The following H1-8 variants were observed in gnomAD, a reference collection of about 807,000 sequenced individuals.
H1-8 encodes H1.8 linker histone, also known as histone H1.8.
H1-8 carries 13 observed loss-of-function variants against 19.5 expected under a neutral mutation model. The ratio of observed to expected loss-of-function variants is 0.67; its 90% CI spans 0.43 to 1.06. H1-8 has a LOEUF of 1.06. Among genes scored for constraint, H1-8 ranks in the 50% least tolerant of loss-of-function variants. The pLI, the probability that H1-8 is intolerant of heterozygous loss-of-function variation, is 0.00. For synonymous variants in H1-8, 193 were observed against 187.6 expected (o/e 1.03, Z -0.24); for missense variants, 432 against 459.8 (o/e 0.94, Z 0.55).
In H1-8 at chr3:129,549,457, CT is replaced by C; in HGVS notation, c.742+95del. The C allele has an allele frequency of 2.1e-6, 3 of 1,398,588 alleles. No individual in the cohort carries two copies. In the South Asian group the frequency reaches 4.3e-5, roughly 20 times the overall value. The allele number at this position is 1,398,588 out of a possible 1,614,324, so 86.6% of individuals were successfully genotyped here. A position where few individuals can be genotyped will look rare whatever the true frequency, so the allele number is the denominator to read the frequency against. On this transcript the variant is annotated intron_variant, in intron 3 of 4. Coordinates refer to ENST00000324382, the MANE Select transcript of H1-8 (RefSeq NM_153833.3). ...GGAGCCAGCTCTGGAGAGGGGTTTCCTTATCTAGTGCATGTGTCCTGAGTGC... is the reference window on the plus strand; with the variant it reads ...GGAGCCAGCTCTGGAGAGGGGTTTCCTATCTAGTGCATGTGTCCTGAGTGC...
At chr3:129,548,889 C>T (rs1170497262) in intron 2 of H1-8, 112 bp from the exon 3 acceptor site, 4 of 1,395,820 alleles carry the variant, frequency 2.9e-6, no homozygotes, top group Middle Eastern at 1.8e-4. Flanking sequence ...CTCTCACTGC[C>T]TGTGGAGCCC....
chr3:129,550,702 T>C, intron 3 of H1-8, 43 bp from the exon 4 acceptor site: 1 of 1,561,582 alleles, frequency 6.4e-7, no homozygotes. Context: ...CCACCAGCAG[T>C]TCCTCCTTCT....
In H1-8 at chr3:129,551,255, C is replaced by A; in HGVS notation, c.956C>A (p.Thr319Lys). 1 of 1,614,168 alleles carries A rather than the reference C, an allele frequency of 6.2e-7. No individual in the cohort carries two copies. The highest frequency in any genetic ancestry group is 8.5e-7 in the Non-Finnish European group (1 of 1,180,038). The change falls in exon 5 of 5, where the codon ACA becomes AAA. Residue 319 changes from threonine (T) to lysine (K), a missense_variant. Thr to Lys is a moderately conservative substitution (Grantham distance 78). Coordinates refer to ENST00000324382, the MANE Select transcript of H1-8 (RefSeq NM_153833.3). ...GTACCTGCACATTTGTCCAGGAAGA[C>A]AGAGGCCCCCAAGGGCCCTAGAAAG... ...KVVPAHLSRKTEAPKGPRKAG... is the reference protein window; with the variant it reads ...KVVPAHLSRKKEAPKGPRKAG...
intron 2 of H1-8, among the ~76,000 whole-genome samples, chr3:129,548,687 G>A (rs574703116): frequency 4.8e-4 from 73 of 150,624 alleles, no homozygotes; most frequent in Admixed American, 2.1e-3. Flanking sequence ...TCTGCTGAGC[G>A]TCAAGGGGCG....
chr3:129,548,884 A>G lies in H1-8; in HGVS notation c.379-117A>G, dbSNP rs73863109. On this transcript the variant is annotated intron_variant, in intron 2 of 4. Transcript: ENST00000324382. The stretch of plus-strand genomic sequence containing the variant: ...GCTTCGTGCCTTCTCCCTGCCTCTC[A>G]CTGCCTGTGGAGCCCCCCTGTTTGG... The G allele has an allele frequency of 6.5e-3, 8,833 of 1,364,606 alleles. 460 individuals carry two copies. In the African/African-American group the frequency reaches 0.12, roughly 18 times the overall value. 84.5% of individuals were successfully genotyped at this position (1,364,606 alleles called of 1,614,324 possible).
chr3:129,549,728 C>T (rs1043776211), intron 3 of H1-8, among the ~76,000 whole-genome samples: 4 of 151,936 alleles, frequency 2.6e-5, no homozygotes, highest in African/African-American at 9.7e-5. Flanking sequence ...CCAAGGCGGG[C>T]GGATCCCTTG....
chr3:129,549,386 G>T, intron 3 of H1-8, 22 bp downstream of exon 3: 2 of 1,551,168 alleles, frequency 1.3e-6, no homozygotes, highest in Non-Finnish European at 1.7e-6. Flanking sequence ...ACTTGTAGGG[G>T]GTGGTGTGGG....
rs201399983 is a variant in H1-8, at chr3:129,543,242, C to A, written c.24C>A (p.Ser8Arg). The A allele has an allele frequency of 4.5e-5, 73 of 1,613,342 alleles. No individual in the cohort carries two copies. Among genetic ancestry groups the A allele is most frequent in the Non-Finnish European group, 5.7e-5 (67 of 1,179,712 alleles). MAPGSVTSDISPSSTSTA... is the reference protein window; with the variant it reads MAPGSVTRDISPSSTSTA... ...TCATGGCTCCTGGGAGCGTCACCAG[C>A]GACATCTCACCCTCCTCGACTTCCA... is the stretch of plus-strand genomic sequence containing the variant. The change falls in exon 1 of 5, where the codon AGC becomes AGA. Residue 8 changes from serine (S) to arginine (R), a missense_variant. By Grantham distance (110) the Ser-to-Arg change is moderately radical. Transcript: ENST00000324382.
chr3:129,545,064 T>A (rs1295502114), intron 1 of H1-8, among the ~76,000 whole-genome samples: 1 of 146,678 alleles, frequency 6.8e-6, no homozygotes, highest in Non-Finnish European at 1.5e-5. Context: ...TATAGCCAAT[T>A]TTTTTTTTTT....
chr3:129,548,521 C>T, intron 2 of H1-8: 1 of 988,778 alleles, frequency 1.0e-6, no homozygotes, highest in Non-Finnish European at 1.2e-6. Context: ...GGTTGGGGGA[C>T]AGGAAAGAAA....
rs2084918989 is a variant in H1-8 at position 129,549,597 on chromosome 3, C to T, written c.742+233C>T. Among the ~76,000 whole-genome samples, 3 of 144,634 alleles carry T rather than the reference C, an allele frequency of 2.1e-5. No homozygotes were observed. In the South Asian group the frequency reaches 6.3e-4, roughly 30 times the overall value. 94.9% of individuals were successfully genotyped at this position (144,634 alleles called of 152,430 possible). On this transcript the variant is annotated intron_variant, in intron 3 of 4. Coordinates refer to ENST00000324382, the MANE Select transcript of H1-8 (RefSeq NM_153833.3). ...CCAGGAGACTGACTCATTCTTGAGG[C>T]AGTGGAGGAAGGTGTCTCAAGCAGG... is the stretch of plus-strand genomic sequence containing the variant.
intron 2 of H1-8, 89 bp from the exon 3 acceptor site, chr3:129,548,912 C>T (rs1197733604): frequency 3.2e-5 from 47 of 1,487,822 alleles, no homozygotes; most frequent in African/African-American, 1.7e-4. Context: ...CTGTTTGGAA[C>T]GAGGCCTCCC....
chr3:129,549,428 G>A (rs2084917535), intron 3 of H1-8, 64 bp downstream of exon 3: 12 of 1,503,482 alleles, frequency 8.0e-6, no homozygotes, highest in Non-Finnish European at 1.1e-5. Flanking sequence ...TGGAGCGGGG[G>A]CGGGGAGCCA....
chr3:129,549,502 A>T, intron 3 of H1-8, 138 bp downstream of exon 3: 1 of 1,037,316 alleles, frequency 9.6e-7, no homozygotes, highest in Non-Finnish European at 1.4e-6. Flanking sequence ...ACCTGGAGAG[A>T]GAGAACTCAT....
At chr3:129,550,977 T>C in intron 4 of H1-8, 130 bp from the exon 5 acceptor site, 1 of 961,956 alleles carries the variant, frequency 1.0e-6, no homozygotes, top group South Asian at 1.6e-5. Context: ...ACCCTGGGGG[T>C]GTTGCCATCC....
chr3:129,546,010 C>T lies in H1-8; in HGVS notation c.89-1381C>T, dbSNP rs549690604. On this transcript the variant is annotated intron_variant, in intron 1 of 4. Coordinates refer to ENST00000324382, the MANE Select transcript of H1-8 (RefSeq NM_153833.3). ...AAACTTTCAGGGCCGAGCATGGTGG[C>T]TCATGCTTGTAATCCTAGCACTTTG... Among the ~76,000 whole-genome samples the T allele has an allele frequency of 1.1e-4, 17 of 152,006 alleles. No homozygotes were observed. In the East Asian group the frequency reaches 1.9e-3, roughly 17 times the overall value.
rs1377915744 is a variant in H1-8, at chr3:129,549,304, C to T, written c.682C>T (p.Pro228Ser). Reference protein sequence around the residue: ...PPKPDKAMRAPSSAGGLSRKA... With the variant: ...PPKPDKAMRASSSAGGLSRKA... ...CAAGCCAGACAAGGCCATGCGGGCA[C>T]CTTCCAGTGCTGGTGGGCTCAGCAG... The change falls in exon 3 of 5, where the codon CCT becomes TCT. Residue 228 changes from proline (P) to serine (S), a missense_variant. Coordinates refer to ENST00000324382, the MANE Select transcript of H1-8 (RefSeq NM_153833.3). 9 of 1,605,008 alleles carry T rather than the reference C, an allele frequency of 5.6e-6. No homozygotes were observed. Among genetic ancestry groups the T allele is most frequent in the Admixed American group, 1.7e-5 (1 of 58,152 alleles).
Position 129,547,394 on chromosome 3 carries a change from C to T in H1-8, c.92C>T (p.Pro31Leu), listed in dbSNP as rs1310922903. 13 of 1,497,180 alleles carry T rather than the reference C, an allele frequency of 8.7e-6. No homozygotes were observed. The highest frequency in any genetic ancestry group is 7.1e-5 in the African/African-American group (5 of 70,468). The allele number at this position is 1,497,180 out of a possible 1,614,324, so 92.7% of individuals were successfully genotyped here. ...ATGGCCTGCCATCTCTCCTCAGGCC[C>T]GAGCCACGGCGGTGTCCCACCAGGA... Reference protein sequence around the residue: ...SRSPESEKPGPSHGGVPPGGP... With the variant: ...SRSPESEKPGLSHGGVPPGGP... The change falls in exon 2 of 5, where the codon CCG (proline) becomes CTG (leucine). Residue 31 changes from proline (P) to leucine (L), a missense_variant. Coordinates refer to ENST00000324382, the MANE Select transcript of H1-8 (RefSeq NM_153833.3).
rs965971512 is a variant in H1-8, at chr3:129,543,441, C to T, written c.88+135C>T. On this transcript the variant is annotated intron_variant, in intron 1 of 4. Transcript: ENST00000324382. ...ACCCAGCACCCACCCAGCACTCACCCAGCACTCACCCAGCACCCACCCAGC... is the reference window on the plus strand; with the variant it reads ...ACCCAGCACCCACCCAGCACTCACCTAGCACTCACCCAGCACCCACCCAGC... 9 of 665,722 alleles carry T rather than the reference C, an allele frequency of 1.4e-5. No homozygotes were observed. The African/African-American group carries it at 1.4e-4, about 11-fold the overall frequency. 41.2% of individuals were successfully genotyped at this position (665,722 alleles called of 1,614,324 possible). A position where few individuals can be genotyped will look rare whatever the true frequency, so the allele number is the denominator to read the frequency against.
Sources: gnomAD v4.1 joint callset for allele counts (sites outside exome capture counted in the v4.1 genomes callset) on GRCh38, gnomAD v4.1.1 for gene constraint, MANE v1.5 for transcripts, NCBI Gene and HGNC (gene_info 2026-07-23, HGNC 2026-07-21) for gene names.